The following LRFN2 variants were observed in gnomAD, a reference collection of about 807,000 sequenced individuals.
LRFN2 encodes leucine rich repeat and fibronectin type III domain containing 2.
A neutral mutation model predicts 37.3 loss-of-function variants in LRFN2; 18 were observed. The observed-to-expected ratio is 0.48, with a 90% CI of 0.33 to 0.72. The LOEUF (loss-of-function observed/expected upper bound fraction) is 0.72. Ranked by LOEUF, LRFN2 falls within the 30% of genes least tolerant of loss-of-function variation. The pLI is 0.02. For missense variants in LRFN2, 1,006 were observed against 1,060.7 expected (o/e 0.95, Z 0.72); for synonymous variants, 556 against 466.6 (o/e 1.19, Z -2.47).
At chr6:40,528,391 C>G (rs529639818) in intron 1 of LRFN2, among the ~76,000 whole-genome samples, 79 of 152,310 alleles carry the variant, frequency 5.2e-4, no homozygotes, top group African/African-American at 1.8e-3. Flanking sequence ...CTTCTCCCAG[C>G]TCTTTAACAT....
chr6:40,427,275 T>C (rs1035200544), intron 2 of LRFN2, among the ~76,000 whole-genome samples: 1 of 152,252 alleles, frequency 6.6e-6, no homozygotes, highest in Admixed American at 6.5e-5. Context: ...AATTTATTAA[T>C]CAGTCTGGTT....
chr6:40,464,875 C>T (rs1764425121), intron 1 of LRFN2, among the ~76,000 whole-genome samples: 1 of 152,172 alleles, frequency 6.6e-6, no homozygotes, highest in African/African-American at 2.4e-5. Context: ...TCTACACAAT[C>T]TCTTGTGGTA....
At chr6:40,404,787 A>G (rs1403589021) in intron 2 of LRFN2, among the ~76,000 whole-genome samples, 1 of 152,184 alleles carries the variant, frequency 6.6e-6, no homozygotes, top group Non-Finnish European at 1.5e-5. Context: ...GGAGGCTTTG[A>G]TCTAGACCTC....
chr6:40,562,668 T>G (rs766494333), intron 1 of LRFN2, among the ~76,000 whole-genome samples: 27 of 152,142 alleles, frequency 1.8e-4, no homozygotes, highest in South Asian at 4.1e-4. Context: ...GGGGCCTCCC[T>G]GTCCTGCCAA....
rs1223997643 is a variant in LRFN2, at chr6:40,392,154, C to T, written c.2159G>A (p.Arg720His). The T allele has an allele frequency of 1.9e-6, 3 of 1,606,916 alleles. No homozygotes were observed. Among genetic ancestry groups the T allele is most frequent in the Admixed American group, 1.7e-5 (1 of 59,444 alleles). Residue 720 changes from arginine (R) to histidine (H), a missense_variant, in exon 3 of 3, where the codon CGC (arginine) becomes CAC (histidine). By Grantham distance (29) the Arg-to-His change is conservative. Transcript: ENST00000338305. This position sits in a 1 kb window ranked among gnomAD's most constrained non-coding sequence, Gnocchi z 4.7. ...LPLPLEGKAK[R>H]SHSFDMGDFA... ...GTCCCCCATGTCGAAGGAGTGGCTG[C>T]GTTTGGCCTTGCCCTCCAACGGCAA...
intron 1 of LRFN2, among the ~76,000 whole-genome samples, chr6:40,582,598 G>C (rs1397429766): frequency 1.3e-5 from 2 of 151,452 alleles, no homozygotes; most frequent in Non-Finnish European, 2.9e-5. Context: ...AGCAGGCCCA[G>C]ACCTGTTCAA....
chr6:40,423,295 G>T (rs1255825881), intron 2 of LRFN2, among the ~76,000 whole-genome samples: 1 of 152,178 alleles, frequency 6.6e-6, no homozygotes, highest in East Asian at 1.9e-4. Flanking sequence ...TTACAGCTCT[G>T]TTGGTTTTGA....
chr6:40,442,282 A>G (rs1581708903), intron 1 of LRFN2, among the ~76,000 whole-genome samples: 1 of 152,220 alleles, frequency 6.6e-6, no homozygotes, highest in South Asian at 2.1e-4. Flanking sequence ...TGTTCACTCT[A>G]TGATTTACTC....
At position 40,476,282 on chromosome 6, in the gene LRFN2, C is replaced by T. The variant is rs183728608; in HGVS notation, c.-18-43151G>A. 2.1e-3 allele frequency among the ~76,000 whole-genome samples: 327 copies of T among 152,334 alleles called. 2 individuals carry two copies. Among genetic ancestry groups the T allele is most frequent in the Non-Finnish European group, 3.3e-3 (225 of 68,020 alleles). On this transcript the variant is annotated intron_variant, in intron 1 of 2. Coordinates refer to ENST00000338305, the MANE Select transcript of LRFN2 (RefSeq NM_020737.3). ...GGTGTCTGCCTTCTGTCTGCCGCTA[C>T]GTTTCTCCAGACTTATCTCCTCCAA...
At chr6:40,444,401 A>G (rs1057164919) in intron 1 of LRFN2, among the ~76,000 whole-genome samples, 1 of 152,234 alleles carries the variant, frequency 6.6e-6, no homozygotes, top group Admixed American at 6.5e-5. Context: ...TATAGAACCC[A>G]GCCTTCTAAA....
intron 1 of LRFN2, among the ~76,000 whole-genome samples, chr6:40,578,046 C>T (rs1767328599): frequency 1.3e-5 from 2 of 152,068 alleles, no homozygotes. Flanking sequence ...CTCACATAAG[C>T]ATTCAACAAC....
chr6:40,472,277 C>T (rs145029913), intron 1 of LRFN2, among the ~76,000 whole-genome samples: 47 of 152,290 alleles, frequency 3.1e-4, no homozygotes, highest in African/African-American at 9.6e-4. Context: ...GACAATTGGT[C>T]GATTCCATCA....
chr6:40,432,102 C>T lies in LRFN2; in HGVS notation c.1012G>A (p.Val338Ile). ...RLVGNSSRTA[V>I]YDNGTLDIFI... ...ATGTCCAGGGTGCCATTGTCATAGA[C>T]AGCGGTCCTTGAGGAGTTCCCTACC... Residue 338 changes from valine (V) to isoleucine (I), a missense_variant, in exon 2 of 3, where the codon GTC (valine) becomes ATC (isoleucine). Val to Ile is a conservative substitution (Grantham distance 29). This residue lies in a region of LRFN2 where 303 missense variants were observed against 299.8 expected (regional missense o/e 1.01). Transcript: ENST00000338305. 6.2e-7 allele frequency: 1 copy of T among 1,613,982 alleles called. No individual in the cohort carries two copies. Among genetic ancestry groups the T allele is most frequent in the East Asian group, 2.2e-5 (1 of 44,884 alleles).
At chr6:40,578,002 T>C (rs1046824180) in intron 1 of LRFN2, among the ~76,000 whole-genome samples, 209 of 152,132 alleles carry the variant, frequency 1.4e-3, no homozygotes, top group African/African-American at 4.5e-3. Context: ...CCGTCCCTTC[T>C]GTGCCCCCTG....
intron 1 of LRFN2, among the ~76,000 whole-genome samples, chr6:40,434,117 T>A (rs960358022): frequency 7.9e-5 from 12 of 152,236 alleles, no homozygotes; most frequent in Non-Finnish European, 1.6e-4. Context: ...TAACTATTTG[T>A]CTTCTTTATA....
intron 1 of LRFN2, among the ~76,000 whole-genome samples, chr6:40,497,545 T>C (rs1210188775): frequency 2.6e-5 from 4 of 152,140 alleles, no homozygotes; most frequent in Non-Finnish European, 5.9e-5. Flanking sequence ...CATATTAGCA[T>C]CTAATAAGTC....
At chr6:40,582,883 C>A (rs990606706) in intron 1 of LRFN2, among the ~76,000 whole-genome samples, 3 of 152,134 alleles carry the variant, frequency 2.0e-5, no homozygotes, top group Non-Finnish European at 4.4e-5. Flanking sequence ...GTCAACCCAA[C>A]ACTGTCCCGA....
chr6:40,431,656 C>T, intron 2 of LRFN2, 58 bp downstream of exon 2: 2 of 1,440,414 alleles, frequency 1.4e-6, no homozygotes, highest in East Asian at 2.3e-5. Context: ...ACCTCCCCAT[C>T]CCCTCCTCCT....
intron 1 of LRFN2, among the ~76,000 whole-genome samples, chr6:40,524,526 C>A (rs1766189541): frequency 6.6e-6 from 1 of 152,084 alleles, no homozygotes; most frequent in Non-Finnish European, 1.5e-5. Flanking sequence ...CTCTGGGGTC[C>A]CATTTTTGTA....
Sources: gnomAD v4.1 joint callset for allele counts (sites outside exome capture counted in the v4.1 genomes callset) on GRCh38, gnomAD v4.1.1 for gene constraint, gnomAD v4.1.1 regional missense constraint, Gnocchi (gnomAD v3.1) non-coding constraint, MANE v1.5 for transcripts, NCBI Gene and HGNC (gene_info 2026-07-23, HGNC 2026-07-21) for gene names.